Variants in ARPC1B observed in about 807,000 individuals in gnomAD.
ARPC1B encodes actin-related protein 2/3 complex subunit 1B.
ARPC1B carries 29 observed loss-of-function variants against 46.0 expected under a neutral mutation model. The ratio of observed to expected loss-of-function variants is 0.63; its 90% confidence interval spans 0.47 to 0.86. The LOEUF is 0.86. Among genes scored for constraint, ARPC1B ranks in the 40% least tolerant of loss-of-function variants. ARPC1B has a pLI of 0.00. For synonymous variants in ARPC1B, 201 were observed against 213.9 expected (o/e 0.94, Z 0.53); for missense variants, 469 against 529.4 (o/e 0.89, Z 1.12).
chr7:99,375,211 G>T (rs1793997966), intron 1 of ARPC1B, among the ~76,000 whole-genome samples: 1 of 152,172 alleles, frequency 6.6e-6, no homozygotes. Context: ...CGGTCGGTCG[G>T]TGTAGCCCCG....
intron 1 of ARPC1B, among the ~76,000 whole-genome samples, chr7:99,383,314 G>A (rs1475527467): frequency 2.0e-5 from 3 of 152,042 alleles, no homozygotes; most frequent in East Asian, 1.9e-4. Context: ...GCAACAGAGC[G>A]AGACCCTTTC....
rs1305356281 is a variant in ARPC1B, at chr7:99,388,081, GCA to G, written c.215_216del (p.Thr72ArgfsTer58). 1.2e-6 allele frequency: 2 copies of G among 1,613,602 alleles called. No homozygotes were observed. The highest frequency in any genetic ancestry group is 3.3e-4 in the Middle Eastern group (2 of 6,058). On this transcript the variant is annotated frameshift_variant, in exon 4 of 10. Coordinates refer to ENST00000646101, the MANE Select transcript of ARPC1B (RefSeq NM_005720.4). LOFTEE classifies it high-confidence loss of function. ...GAGAGTAACCGTATTGTGACCTGCG[GCA>G]CAGACCGCAACGCCTACGTGTGGAC...
rs201313688 is a variant in ARPC1B at position 99,388,046 on chromosome 7, C to A, written c.177C>A (p.Asp59Glu). 3.8e-5 allele frequency: 61 copies of A among 1,602,540 alleles called. No homozygotes were observed. Among genetic ancestry groups the A allele is most frequent in the Non-Finnish European group, 4.7e-5 (55 of 1,170,442 alleles). The change falls in exon 4 of 10, where the codon GAC becomes GAA. Residue 59 changes from aspartate (D) to glutamate (E), a missense_variant. By Grantham distance (45) the Asp-to-Glu change is conservative. Transcript: ENST00000646101. ...KEHNGQVTGI[D>E]WAPESNRIVT... ...CCCTCCATCCCCCCACAGGCATCGA[C>A]TGGGCCCCCGAGAGTAACCGTATTG...
chr7:99,389,684 AAAG>A, intron 4 of ARPC1B: 1 of 534,368 alleles, frequency 1.9e-6, no homozygotes, highest in Admixed American at 3.2e-5. Flanking sequence ...TGTGTGGCCT[AAAG>A]GATAGAGGGC....
At chr7:99,379,805 A>ATT (rs376760661) in intron 1 of ARPC1B, among the ~76,000 whole-genome samples, 10,850 of 141,942 alleles carry the variant, frequency 0.076, 621 homozygotes, top group African/African-American at 0.16. Flanking sequence ...TGCCTGGCTA[A>ATT]TTTTTTTTTT....
intron 1 of ARPC1B, among the ~76,000 whole-genome samples, chr7:99,378,230 T>C (rs1331316778): frequency 6.6e-6 from 1 of 151,606 alleles, no homozygotes; most frequent in Admixed American, 6.6e-5. Context: ...CCGCTAATTT[T>C]TTTTTTTTTT....
chr7:99,386,833 G>A (rs757829196), intron 3 of ARPC1B, 44 bp downstream of exon 3: 3 of 1,476,262 alleles, frequency 2.0e-6, no homozygotes, highest in Non-Finnish European at 2.8e-6. Context: ...AGGAGGTGGT[G>A]GGTTGGGGGG....
intron 1 of ARPC1B, among the ~76,000 whole-genome samples, chr7:99,382,215 A>C (rs1277971411): frequency 2.0e-5 from 3 of 152,022 alleles, no homozygotes; most frequent in African/African-American, 7.2e-5. Context: ...AGGCGGGCGG[A>C]TCACTTGAGG....
chr7:99,381,298 A>G (rs1052180287), intron 1 of ARPC1B, among the ~76,000 whole-genome samples: 12 of 152,014 alleles, frequency 7.9e-5, no homozygotes, highest in Non-Finnish European at 1.5e-4. Flanking sequence ...GGCTGAACAT[A>G]CATGTGTGCA....
At chr7:99,375,486 C>G (rs1794009483) in intron 1 of ARPC1B, among the ~76,000 whole-genome samples, 1 of 152,188 alleles carries the variant, frequency 6.6e-6, no homozygotes, top group African/African-American at 2.4e-5. Context: ...CCCTCCCTTT[C>G]CGGAGGCGCT....
At position 99,390,879 on chromosome 7, in the gene ARPC1B, G is replaced by C; in HGVS notation, c.501-14G>C. On this transcript the variant is annotated splice_polypyrimidine_tract_variant and intron_variant, in intron 5 of 9. Coordinates refer to ENST00000646101, the MANE Select transcript of ARPC1B (RefSeq NM_005720.4). ...TGCCTGGCTACTTTACCTCTACTTT[G>C]CCTATCCCGGTAGGATCTTTTCAGC... 1.3e-6 allele frequency: 2 copies of C among 1,588,056 alleles called. No homozygotes were observed. The highest frequency in any genetic ancestry group is 2.3e-5 in the East Asian group (1 of 44,418).
intron 1 of ARPC1B, among the ~76,000 whole-genome samples, chr7:99,382,678 C>T (rs535592759): frequency 5.9e-5 from 9 of 152,056 alleles, no homozygotes; most frequent in Admixed American, 2.0e-4. Context: ...CTCACTGTAT[C>T]GCCCATGCTT....
intron 3 of ARPC1B, among the ~76,000 whole-genome samples, chr7:99,387,304 C>T (rs898106450): frequency 1.3e-5 from 2 of 151,854 alleles, no homozygotes; most frequent in African/African-American, 4.8e-5. Flanking sequence ...TGTGGTGGCA[C>T]GCACCTGTAG....
At chr7:99,391,139 A>G (rs759673375) in intron 6 of ARPC1B, 39 bp from the exon 7 acceptor site, 7 of 1,613,542 alleles carry the variant, frequency 4.3e-6, no homozygotes, top group Non-Finnish European at 5.1e-6. Flanking sequence ...GTGAGTGCAG[A>G]GGAGTGGGAC....
chr7:99,392,887 G>A lies in ARPC1B; in HGVS notation c.989+11G>A, dbSNP rs1455611552. 1.3e-6 allele frequency: 2 copies of A among 1,528,328 alleles called. No homozygotes were observed. The highest frequency in any genetic ancestry group is 2.4e-5 in the South Asian group (2 of 83,048). 94.7% of individuals were successfully genotyped at this position (1,528,328 alleles called of 1,614,324 possible). The stretch of plus-strand genomic sequence containing the variant: ...CAAGAACAGCGTCAGGTGAGAGCGG[G>A]AGCCGGGCCGGCGGGTGGGCGGGGC... On this transcript the variant is annotated intron_variant, in intron 8 of 9. Coordinates refer to ENST00000646101, the MANE Select transcript of ARPC1B (RefSeq NM_005720.4).
At chr7:99,383,167 T>G (rs752907116) in intron 1 of ARPC1B, among the ~76,000 whole-genome samples, 4 of 152,086 alleles carry the variant, frequency 2.6e-5, no homozygotes, top group Non-Finnish European at 5.9e-5. Flanking sequence ...TATGTAATGA[T>G]AATATTTTTG....
chr7:99,390,126 C>G (rs1794523166), intron 5 of ARPC1B, 114 bp downstream of exon 5: 1 of 915,884 alleles, frequency 1.1e-6, no homozygotes, highest in South Asian at 1.5e-5. Flanking sequence ...CATTCCAGAC[C>G]TGCTACCAGT....
In ARPC1B at chr7:99,380,330, T is replaced by TTTGG. The variant is rs1259700987; in HGVS notation, c.-13-5371_-13-5370insTGGT. On this transcript the variant is annotated intron_variant, in intron 1 of 9. Coordinates refer to ENST00000646101, the MANE Select transcript of ARPC1B (RefSeq NM_005720.4). ...CTGGTAAGATGTGGGGGTTGGGGAG[T>TTTGG]TATCGCAGAGGCGCTTTGGGTTTCA... Among the ~76,000 whole-genome samples the TTTGG allele has an allele frequency of 4.2e-3, 636 of 152,132 alleles. 2 individuals carry two copies. The highest frequency in any genetic ancestry group is 0.015 in the African/African-American group (608 of 41,452).
chr7:99,388,233 ATC>A lies in ARPC1B; in HGVS notation c.366_367del (p.Ile122MetfsTer8). ...GGGCAGCGGCTCTCGTGTGATCTCC[ATC>A]TGTTATTTCGAGCAGGAGAATGACT... is the stretch of plus-strand genomic sequence containing the variant. Reference protein sequence around the residue: ...AVGSGSRVISICYFEQENDWW... With the variant: ...AVGSGSRVISXCYFEQENDWW... On this transcript the variant is annotated frameshift_variant, in exon 4 of 10. Coordinates refer to ENST00000646101, the MANE Select transcript of ARPC1B (RefSeq NM_005720.4). LOFTEE classifies it high-confidence loss of function. 3 of 1,614,104 alleles carry A rather than the reference ATC, an allele frequency of 1.9e-6. No homozygotes were observed. The highest frequency in any genetic ancestry group is 2.5e-6 in the Non-Finnish European group (3 of 1,179,978).
Sources: allele counts gnomAD v4.1 joint callset (sites outside exome capture counted in the v4.1 genomes callset), GRCh38; gene constraint gnomAD v4.1.1; transcripts MANE v1.5; gene names NCBI Gene and HGNC (gene_info 2026-07-23, HGNC 2026-07-21).